The following CNTNAP5 variants were observed in gnomAD, a reference collection of about 807,000 sequenced individuals.
CNTNAP5 encodes contactin-associated protein-like 5.
CNTNAP5 carries 72 observed loss-of-function variants against 150.2 expected under a neutral mutation model. That is an observed-to-expected ratio of 0.48 (90% CI 0.40 to 0.58). CNTNAP5 has a LOEUF of 0.58. Ranked by LOEUF, CNTNAP5 falls within the 20% of genes least tolerant of loss-of-function variation. The pLI is 0.00. For synonymous variants in CNTNAP5, 672 were observed against 619.8 expected (o/e 1.08, Z -1.25); for missense variants, 1,636 against 1,626.2 (o/e 1.01, Z -0.10).
intron 13 of CNTNAP5, among the ~76,000 whole-genome samples, chr2:124,700,048 A>C (rs766069024): frequency 6.6e-6 from 1 of 152,268 alleles, no homozygotes; most frequent in South Asian, 2.1e-4. Context: ...ATTAACACTA[A>C]TCTATTAACT....
At chr2:124,829,957 A>G (rs992256131) in intron 19 of CNTNAP5, among the ~76,000 whole-genome samples, 7 of 151,642 alleles carry the variant, frequency 4.6e-5, no homozygotes, top group African/African-American at 1.7e-4. Flanking sequence ...CACATTAATA[A>G]CATTTATAAA....
chr2:124,177,850 C>CTT (rs35920642), intron 1 of CNTNAP5, among the ~76,000 whole-genome samples: 28,906 of 141,520 alleles, frequency 0.2, 3,098 homozygotes, highest in African/African-American at 0.22. Flanking sequence ...TTATGGTTTA[C>CTT]TTTTTTTTTT....
intron 16 of CNTNAP5, among the ~76,000 whole-genome samples, chr2:124,764,427 A>G (rs1681025456): frequency 6.6e-6 from 1 of 152,194 alleles, no homozygotes; most frequent in South Asian, 2.1e-4. Context: ...TGTGACTTTA[A>G]TCTTCCACAC....
intron 7 of CNTNAP5, among the ~76,000 whole-genome samples, chr2:124,485,612 C>CAAAAAAAAAAA (rs576700912): frequency 2.9e-4 from 15 of 52,358 alleles, no homozygotes; most frequent in South Asian, 1.2e-3. Context: ...GACTCTGTCT[C>CAAAAAAAAAAA]AAAAAAAAAA....
intron 3 of CNTNAP5, among the ~76,000 whole-genome samples, chr2:124,372,821 A>G (rs1190200833): frequency 1.3e-5 from 2 of 152,250 alleles, no homozygotes; most frequent in East Asian, 1.9e-4. Context: ...TAATAATGCA[A>G]CACCCATTAA....
intron 11 of CNTNAP5, among the ~76,000 whole-genome samples, chr2:124,576,865 T>A (rs1170831091): frequency 6.6e-6 from 1 of 152,200 alleles, no homozygotes; most frequent in East Asian, 1.9e-4. Context: ...AGTGCCTGAT[T>A]AAGTTTACTT....
chr2:124,522,011 T>A (rs1282011425), intron 8 of CNTNAP5, among the ~76,000 whole-genome samples: 2 of 152,286 alleles, frequency 1.3e-5, no homozygotes, highest in East Asian at 3.9e-4. Context: ...AGGATTGCAG[T>A]GATCTGGCTT....
At chr2:124,054,005 A>T (rs578086064) in intron 1 of CNTNAP5, among the ~76,000 whole-genome samples, 1 of 152,324 alleles carries the variant, frequency 6.6e-6, no homozygotes, top group South Asian at 2.1e-4. Context: ...AGAAAGAAAG[A>T]TGTCAACATG....
chr2:124,683,805 G>GA (rs891825166), intron 13 of CNTNAP5, among the ~76,000 whole-genome samples: 10 of 151,758 alleles, frequency 6.6e-5, no homozygotes, highest in African/African-American at 1.2e-4. Context: ...GACAAAAACA[G>GA]AAAAAAAAGT....
At position 124,740,459 on chromosome 2, in the gene CNTNAP5, C is replaced by T. The variant is rs139860496; in HGVS notation, c.2078-6770C>T. ...GGACAAAGGCATGGAAGTCAGGTTACACTGCCAATCATTGGGGCTGGGTTG... is the reference window on the plus strand; with the variant it reads ...GGACAAAGGCATGGAAGTCAGGTTATACTGCCAATCATTGGGGCTGGGTTG... On this transcript the variant is annotated intron_variant, in intron 13 of 23. Transcript: ENST00000682447. 8.2e-3 allele frequency among the ~76,000 whole-genome samples: 1,251 copies of T among 152,266 alleles called. 3 individuals carry two copies. Among genetic ancestry groups the T allele is most frequent in the Middle Eastern group, 0.017 (5 of 292 alleles).
rs527465753 is a variant in CNTNAP5, at chr2:124,144,062, A to G, written c.83-77643A>G. ...TCACAATTGCTTTAAAGAGAATAAA[A>G]TACCTAGGAATCCAACTTACAAGGG... On this transcript the variant is annotated intron_variant, in intron 1 of 23. Coordinates refer to ENST00000682447, the MANE Select transcript of CNTNAP5 (RefSeq NM_001367498.1). Among the ~76,000 whole-genome samples, 12 of 148,888 alleles carry G rather than the reference A, an allele frequency of 8.1e-5. No individual in the cohort carries two copies. The East Asian group carries it at 2.4e-3, about 30-fold the overall frequency.
chr2:124,757,890 G>A (rs1023083509), intron 14 of CNTNAP5, among the ~76,000 whole-genome samples: 1 of 152,142 alleles, frequency 6.6e-6, no homozygotes, highest in Non-Finnish European at 1.5e-5. Context: ...ATTTAAAATA[G>A]AATTTTATTG....
chr2:124,242,059 C>A, intron 2 of CNTNAP5, 141 bp from the exon 3 acceptor site: 3 of 643,288 alleles, frequency 4.7e-6, no homozygotes, highest in Non-Finnish European at 5.5e-6. Context: ...GGGTTAAGTA[C>A]AGAGGCAGGG....
intron 4 of CNTNAP5, among the ~76,000 whole-genome samples, chr2:124,431,515 A>G (rs1429336347): frequency 2.0e-5 from 3 of 146,484 alleles, no homozygotes; most frequent in African/African-American, 7.4e-5. Flanking sequence ...AAAGATATAT[A>G]TATATATATA....
At chr2:124,668,244 C>T (rs1678740621) in intron 13 of CNTNAP5, among the ~76,000 whole-genome samples, 1 of 152,234 alleles carries the variant, frequency 6.6e-6, no homozygotes, top group South Asian at 2.1e-4. Context: ...CTTTGGCATC[C>T]GGGGCTTCTG....
chr2:124,852,209 G>C (rs1291115405), intron 19 of CNTNAP5, among the ~76,000 whole-genome samples: 1 of 152,182 alleles, frequency 6.6e-6, no homozygotes, highest in African/African-American at 2.4e-5. Flanking sequence ...CTGATATTGA[G>C]TCCATGATGC....
intron 3 of CNTNAP5, among the ~76,000 whole-genome samples, chr2:124,325,395 G>C (rs1431637438): frequency 6.6e-6 from 1 of 152,194 alleles, no homozygotes; most frequent in African/African-American, 2.4e-5. Flanking sequence ...TGATGAGGTA[G>C]TGAGGAATTA....
At chr2:124,096,251 A>G (rs765849005) in intron 1 of CNTNAP5, among the ~76,000 whole-genome samples, 9 of 152,092 alleles carry the variant, frequency 5.9e-5, no homozygotes, top group Non-Finnish European at 8.8e-5. Flanking sequence ...AACCTACTCT[A>G]TTAGCCTGAA....
intron 11 of CNTNAP5, among the ~76,000 whole-genome samples, chr2:124,566,747 C>T (rs1696034026): frequency 6.6e-6 from 1 of 152,178 alleles, no homozygotes; most frequent in Admixed American, 6.5e-5. Flanking sequence ...TCCCCCTCCC[C>T]CAGTTGAATG....
Sources: allele counts gnomAD v4.1 joint callset (sites outside exome capture counted in the v4.1 genomes callset), GRCh38; gene constraint gnomAD v4.1.1; transcripts MANE v1.5; gene names NCBI Gene and HGNC (gene_info 2026-07-23, HGNC 2026-07-21).